The following PPM1F variants were observed in gnomAD, a reference collection of about 807,000 sequenced individuals.
The protein encoded by PPM1F is protein phosphatase, Mg2+/Mn2+ dependent 1F, also known as protein phosphatase 1F.
A neutral mutation model predicts 35.5 loss-of-function variants in PPM1F; 17 were observed. That is an observed-to-expected ratio of 0.48 (90% CI 0.33 to 0.72). The LOEUF is 0.72. Among genes scored for constraint, PPM1F ranks in the 30% least tolerant of loss-of-function variants. PPM1F has a pLI of 0.02. For missense variants in PPM1F, 521 were observed against 613.0 expected (o/e 0.85, Z 1.59); for synonymous variants, 241 against 255.5 (o/e 0.94, Z 0.54).
intron 1 of PPM1F, chr22:21,950,133 C>T (rs991750771): frequency 1.3e-5 from 2 of 152,286 alleles, no homozygotes; most frequent in African/African-American, 4.8e-5. Context: ...ATTCTGACTC[C>T]TTCTATCCCT....
At chr22:21,924,353 C>T (rs1399041146) in intron 7 of PPM1F, among the ~76,000 whole-genome samples, 2 of 151,858 alleles carry the variant, frequency 1.3e-5, no homozygotes, top group African/African-American at 2.4e-5. Flanking sequence ...CCGCAACCTC[C>T]ACCTCCAGGG....
chr22:21,924,020 TC>T (rs1346970631), intron 7 of PPM1F, among the ~76,000 whole-genome samples: 1 of 151,956 alleles, frequency 6.6e-6, no homozygotes, highest in African/African-American at 2.4e-5. Flanking sequence ...AGCCGTCCCA[TC>T]CTGGCCTCAC....
Position 21,945,977 on chromosome 22 carries a change from G to A in PPM1F, c.72C>T (p.Asp24=), listed in dbSNP as rs540135543. The A allele has an allele frequency of 2.5e-6, 4 of 1,609,994 alleles. No homozygotes were observed. Among genetic ancestry groups the A allele is most frequent in the Middle Eastern group, 1.7e-4 (1 of 5,980 alleles). Residue 24 remains aspartate, a synonymous_variant, in exon 2 of 8, where the codon GAC becomes GAT. Coordinates refer to ENST00000263212, the MANE Select transcript of PPM1F (RefSeq NM_014634.4). Reference sequence around the variant, plus strand: ...GGGCTGGGAAGTCTTGCAGGAGCGTGTCCAGGAAGCCTGGGGTCTCCTCAG... The same window carrying A: ...GGGCTGGGAAGTCTTGCAGGAGCGTATCCAGGAAGCCTGGGGTCTCCTCAG... ...SGAEETPGFL[D]TLLQDFPALL...
In PPM1F at chr22:21,933,433, G is replaced by C. The variant is rs1305585180; in HGVS notation, c.705C>G (p.Phe235Leu). The C allele has an allele frequency of 1.2e-6, 2 of 1,612,836 alleles. No individual in the cohort carries two copies. Among genetic ancestry groups the C allele is most frequent in the Non-Finnish European group, 1.7e-6 (2 of 1,179,908 alleles). The change falls in exon 5 of 8, where the codon TTC (phenylalanine) becomes TTG (leucine). Residue 235 changes from phenylalanine to leucine, a missense_variant. Physicochemically the swap from Phe to Leu is conservative, Grantham distance 22. Transcript: ENST00000263212. ...TDPEGALREAFRRTDQMFLRK... is the reference protein window; with the variant it reads ...TDPEGALREALRRTDQMFLRK... The stretch of plus-strand genomic sequence containing the variant: ...TGAGAAACATCTGGTCGGTGCGCCG[G>C]AAGGCTTCTCTGAGGGCTCCCTCAG...
In PPM1F at chr22:21,920,762, G is replaced by A. The variant is rs911910842; in HGVS notation, c.*2330C>T. 1 of 152,220 alleles carries A rather than the reference G, an allele frequency of 6.6e-6. No homozygotes were observed. The highest frequency in any genetic ancestry group is 1.9e-4 in the East Asian group (1 of 5,196). 9.4% of individuals were successfully genotyped at this position (152,220 alleles called of 1,614,324 possible). On this transcript the variant is annotated 3_prime_UTR_variant, in exon 8 of 8. Coordinates refer to ENST00000263212, the MANE Select transcript of PPM1F (RefSeq NM_014634.4). ...TATGAATCAGACCACCAGGTGATAGGAGCCAAACCTCCACATGGTGAAACT... is the reference window on the plus strand; with the variant it reads ...TATGAATCAGACCACCAGGTGATAGAAGCCAAACCTCCACATGGTGAAACT...
At chr22:21,923,695 C>A (rs2070476084) in intron 7 of PPM1F, among the ~76,000 whole-genome samples, 1 of 151,788 alleles carries the variant, frequency 6.6e-6, no homozygotes, top group South Asian at 2.1e-4. Context: ...TTTCTTTTTT[C>A]TTTTTTGAGA....
intron 5 of PPM1F, among the ~76,000 whole-genome samples, chr22:21,933,164 GGCA>G (rs766007192): frequency 3.3e-5 from 5 of 152,232 alleles, no homozygotes; most frequent in Non-Finnish European, 7.3e-5. Flanking sequence ...CTCTGCGCCA[GGCA>G]GGTCTGTGTG....
intron 6 of PPM1F, among the ~76,000 whole-genome samples, chr22:21,928,424 C>A (rs2070546745): frequency 6.6e-6 from 1 of 152,202 alleles, no homozygotes; most frequent in Non-Finnish European, 1.5e-5. Flanking sequence ...TGTGACCCAG[C>A]CCTCAACTTG....
chr22:21,931,001 C>A, intron 6 of PPM1F, 147 bp downstream of exon 6: 3 of 1,338,822 alleles, frequency 2.2e-6, no homozygotes, highest in Non-Finnish European at 3.0e-6. Flanking sequence ...GGACCCCCGG[C>A]CACTCAAATC....
chr22:21,923,140 C>T lies in PPM1F; in HGVS notation c.1317G>A (p.Leu439=). The T allele has an allele frequency of 6.2e-7, 1 of 1,613,352 alleles. No individual in the cohort carries two copies. The highest frequency in any genetic ancestry group is 8.5e-7 in the Non-Finnish European group (1 of 1,179,800). ...TCTCAGGTTCTGGAAGGCTGGAGGGCAAGTCCTGCCTCCTCCCTTCTGCCT... is the reference window on the plus strand; with the variant it reads ...TCTCAGGTTCTGGAAGGCTGGAGGGTAAGTCCTGCCTCCTCCCTTCTGCCT... The part of the protein sequence containing the change: ...DPQAEGRRQD[L]PSSLPEPETQ... Residue 439 remains leucine, a synonymous_variant, in exon 8 of 8, where the codon TTG becomes TTA. Coordinates refer to ENST00000263212, the MANE Select transcript of PPM1F (RefSeq NM_014634.4).
At chr22:21,927,824 C>T (rs978562314) in intron 6 of PPM1F, among the ~76,000 whole-genome samples, 79 of 152,270 alleles carry the variant, frequency 5.2e-4, no homozygotes, top group South Asian at 2.1e-3. Flanking sequence ...CTCCCACCTC[C>T]GTCACACACT....
At chr22:21,924,922 A>C (rs1274732685) in intron 7 of PPM1F, 5 of 151,174 alleles carry the variant, frequency 3.3e-5, no homozygotes, top group Admixed American at 3.3e-4. Context: ...TTTTTGAGAC[A>C]GAGTTTTCCT....
Position 21,939,452 on chromosome 22 carries a change from C to G in PPM1F, c.355+80G>C. On this transcript the variant is annotated intron_variant, in intron 3 of 7. Coordinates refer to ENST00000263212, the MANE Select transcript of PPM1F (RefSeq NM_014634.4). The surrounding 1 kb of genome is among the most constrained non-coding windows in gnomAD (Gnocchi z 5.1). ...CCCCAGCACCCTTAGGGACCCCAAT[C>G]AATGGGCTTCCCACAATGTCGTCAC... 1 of 1,567,108 alleles carries G rather than the reference C, an allele frequency of 6.4e-7. No individual in the cohort carries two copies. The highest frequency in any genetic ancestry group is 8.7e-7 in the Non-Finnish European group (1 of 1,152,346).
rs1421674454 is a variant in PPM1F at position 21,923,272 on chromosome 22, A to G, written c.1185T>C (p.Ala395=). 2 of 1,613,342 alleles carry G rather than the reference A, an allele frequency of 1.2e-6. No individual in the cohort carries two copies. Among genetic ancestry groups the G allele is most frequent in the Non-Finnish European group, 1.7e-6 (2 of 1,179,934 alleles). Residue 395 remains alanine (A), a synonymous_variant, in exon 8 of 8, where the codon GCT becomes GCC. Coordinates refer to ENST00000263212, the MANE Select transcript of PPM1F (RefSeq NM_014634.4). ...SGLRVAEELV[A]AARERGSHDN... ...CGTGGGAGCCCCGCTCCCGGGCCGC[A>G]GCCACCAGCTCCTCGGCGACACGGA...
chr22:21,934,322 C>G, intron 3 of PPM1F, 96 bp from the exon 4 acceptor site: 1 of 964,358 alleles, frequency 1.0e-6, no homozygotes, highest in Non-Finnish European at 1.5e-6. Flanking sequence ...GCCTGCAAAG[C>G]CCCCATCACC....
At position 21,921,331 on chromosome 22, in the gene PPM1F, C is replaced by T. The variant is rs2145787677; in HGVS notation, c.*1761G>A. 6.5e-6 allele frequency: 1 copy of T among 153,638 alleles called. No individual in the cohort carries two copies. The highest frequency in any genetic ancestry group is 1.4e-5 in the Non-Finnish European group (1 of 69,070). 9.5% of individuals were successfully genotyped at this position (153,638 alleles called of 1,614,324 possible). A position where few individuals can be genotyped will look rare whatever the true frequency, so the allele number is the denominator to read the frequency against. ...CCACACAGCCCAGCTTCCTCCCTTT[C>T]TCCTCTCCTCCCCCTGCACTGCTCT... On this transcript the variant is annotated 3_prime_UTR_variant, in exon 8 of 8. Coordinates refer to ENST00000263212, the MANE Select transcript of PPM1F (RefSeq NM_014634.4).
At position 21,951,619 on chromosome 22, in the gene PPM1F, T is replaced by G. The variant is rs537753262; in HGVS notation, c.-61+1173A>C. ...GCCTCGGCCTCCCAAAGTGCTGGGA[T>G]TACAGGTATGAGCCACCGCGCCCGG... On this transcript the variant is annotated intron_variant, in intron 1 of 7. Coordinates refer to ENST00000263212, the MANE Select transcript of PPM1F (RefSeq NM_014634.4). 3.3e-5 allele frequency: 5 copies of G among 152,266 alleles called. No individual in the cohort carries two copies. The South Asian group carries it at 1.0e-3, about 32-fold the overall frequency. The allele number at this position is 152,266 out of a possible 1,614,324, so 9.4% of individuals were successfully genotyped here.
intron 5 of PPM1F, among the ~76,000 whole-genome samples, chr22:21,932,382 T>G (rs2070602657): frequency 1.3e-5 from 2 of 152,220 alleles, no homozygotes; most frequent in Non-Finnish European, 2.9e-5. Context: ...TGCTTTTCAC[T>G]GGGGTCCTTG....
rs575145985 is a variant in PPM1F at position 21,923,046 on chromosome 22, A to G, written c.*46T>C. On this transcript the variant is annotated 3_prime_UTR_variant, in exon 8 of 8. Coordinates refer to ENST00000263212, the MANE Select transcript of PPM1F (RefSeq NM_014634.4). ...GGGTCCTGAGGCTTCTGAGGGAGAG[A>G]AGGACAAGGATGGGAGGAAGGGGAG... The G allele has an allele frequency of 7.1e-6, 11 of 1,541,244 alleles. No homozygotes were observed. The East Asian group carries it at 2.0e-4, about 29-fold the overall frequency.
Sources: allele counts gnomAD v4.1 joint callset (sites outside exome capture counted in the v4.1 genomes callset), GRCh38; gene constraint gnomAD v4.1.1; non-coding constraint Gnocchi (gnomAD v3.1); transcripts MANE v1.5; gene names NCBI Gene and HGNC (gene_info 2026-07-23, HGNC 2026-07-21).